WNT3: variants seen among roughly 807,000 people sequenced by gnomAD.
WNT3 encodes proto-oncogene Wnt-3.
In WNT3, 7 loss-of-function variants were observed where a neutral mutation model predicts 34.2. That is an observed-to-expected ratio of 0.20 (90% CI 0.12 to 0.38). The LOEUF is 0.38. Ranked by LOEUF, WNT3 falls within the 10% of genes least tolerant of loss-of-function variation. WNT3 has a pLI of 1.00. For synonymous variants in WNT3, 212 were observed against 211.5 expected, an observed-to-expected ratio of 1.00 and a Z score of -0.02; for missense variants, 267 against 499.8, an observed-to-expected ratio of 0.53 and a Z score of 4.44.
chr17:46,779,978 G>A (rs2059446738), intron 1 of WNT3, among the ~76,000 whole-genome samples: 1 of 152,102 alleles, frequency 6.6e-6, no homozygotes, highest in South Asian at 2.1e-4. Context: ...AGGCTGGTCT[G>A]GAACTCCTGA....
chr17:46,781,773 AACTTCGCATCTAGAGCCCCTGTGCAGGAC>A (rs2059463516), intron 1 of WNT3, among the ~76,000 whole-genome samples: 1 of 152,190 alleles, frequency 6.6e-6, no homozygotes, highest in Non-Finnish European at 1.5e-5. Flanking sequence ...CCCAGCCTTC[AACTTCGCATCTAGAGCCCCTGTGCAGGAC>A]GAAATTCCAG....
intron 1 of WNT3, among the ~76,000 whole-genome samples, chr17:46,802,883 T>C (rs933458850): frequency 2.0e-5 from 3 of 152,150 alleles, no homozygotes; most frequent in Non-Finnish European, 4.4e-5. Flanking sequence ...CGTGTGTTCC[T>C]GTGTTCTGCG....
intron 1 of WNT3, among the ~76,000 whole-genome samples, chr17:46,816,463 C>G (rs912631400): frequency 2.3e-5 from 3 of 132,402 alleles, no homozygotes; most frequent in African/African-American, 9.2e-5. Context: ...GGGTCATAGA[C>G]CCAGAACACA....
intron 1 of WNT3, among the ~76,000 whole-genome samples, chr17:46,796,361 C>T (rs1459078045): frequency 4.6e-5 from 7 of 152,150 alleles, no homozygotes; most frequent in African/African-American, 1.7e-4. Context: ...GTGTGCTTGC[C>T]GCATATTAAC....
At chr17:46,791,445 G>T (rs1432868409) in intron 1 of WNT3, among the ~76,000 whole-genome samples, 1 of 152,034 alleles carries the variant, frequency 6.6e-6, no homozygotes, top group African/African-American at 2.4e-5. Context: ...GACCTCAAGT[G>T]ATCCGCCCGC....
At position 46,769,863 on chromosome 17, in the gene WNT3, T is replaced by G; in HGVS notation, c.508A>C (p.Arg170=). ...EDADFGVLVS[R]EFADARENRP... Reference sequence around the variant, plus strand: ...TTCTCGCGCGCATCCGCGAACTCCCTGGACACTAACACGCCGAAGTCAGCG... The same window carrying G: ...TTCTCGCGCGCATCCGCGAACTCCCGGGACACTAACACGCCGAAGTCAGCG... Residue 170 remains arginine, a synonymous_variant, in exon 3 of 5, where the codon AGG becomes CGG. Transcript: ENST00000225512. 1 of 1,613,586 alleles carries G rather than the reference T, an allele frequency of 6.2e-7. No homozygotes were observed.
intron 1 of WNT3, among the ~76,000 whole-genome samples, chr17:46,814,072 A>G (rs1453155953): frequency 6.6e-6 from 1 of 152,158 alleles, no homozygotes; most frequent in African/African-American, 2.4e-5. Flanking sequence ...CTCATCGCCA[A>G]AGGTCTTCCC....
At chr17:46,780,797 G>A (rs1354898810) in intron 1 of WNT3, among the ~76,000 whole-genome samples, 1 of 151,934 alleles carries the variant, frequency 6.6e-6, no homozygotes, top group African/African-American at 2.4e-5. Flanking sequence ...GAAAGAAAAT[G>A]GGGACTCCAA....
intron 1 of WNT3, among the ~76,000 whole-genome samples, chr17:46,784,763 C>T (rs973220281): frequency 7.0e-6 from 1 of 143,834 alleles, no homozygotes; most frequent in Non-Finnish European, 1.5e-5. Context: ...CTGCGCTTTC[C>T]CCTTTTTGCT....
At chr17:46,801,810 G>T (rs1345821409) in intron 1 of WNT3, among the ~76,000 whole-genome samples, 2 of 152,152 alleles carry the variant, frequency 1.3e-5, no homozygotes, top group Non-Finnish European at 2.9e-5. Context: ...TGCCAAGGGA[G>T]GGATGGAGAT....
chr17:46,779,715 G>A (rs986466763), intron 1 of WNT3, among the ~76,000 whole-genome samples: 3 of 152,222 alleles, frequency 2.0e-5, no homozygotes, highest in Non-Finnish European at 2.9e-5. Context: ...GCTGTGGCCA[G>A]AGGGCTGCAG....
At chr17:46,808,273 G>A (rs566245269) in intron 1 of WNT3, among the ~76,000 whole-genome samples, 1 of 152,342 alleles carries the variant, frequency 6.6e-6, no homozygotes, top group South Asian at 2.1e-4. Flanking sequence ...AGGACAGCCT[G>A]ATGGCTTGTG....
Position 46,768,606 on chromosome 17 carries a change from G to A in WNT3, c.782C>T (p.Ala261Val). The A allele has an allele frequency of 6.2e-7, 1 of 1,614,168 alleles. No homozygotes were observed. The highest frequency in any genetic ancestry group is 2.2e-5 in the East Asian group (1 of 44,882). Reference protein sequence around the residue: ...ESRGWVETLRAKYSLFKPPTE... With the variant: ...ESRGWVETLRVKYSLFKPPTE... ...GGGTGGCTTGAAGAGCGAGTACTTG[G>A]CCCGGAGGGTCTCCACCCAGCCTCG... The change falls in exon 4 of 5, where the codon GCC becomes GTC. Residue 261 changes from alanine to valine, a missense_variant. Ala to Val is a moderately conservative substitution (Grantham distance 64, BLOSUM62 0). This residue lies in a region of WNT3 where 181 missense variants were observed against 391.3 expected (regional missense o/e 0.46). Coordinates refer to ENST00000225512, the MANE Select transcript of WNT3 (RefSeq NM_030753.5). This position sits in a 1 kb window ranked among gnomAD's most constrained non-coding sequence, Gnocchi z 5.0.
intron 1 of WNT3, among the ~76,000 whole-genome samples, chr17:46,808,967 TG>T (rs1363242612): frequency 6.6e-6 from 1 of 152,068 alleles, no homozygotes; most frequent in Non-Finnish European, 1.5e-5. Flanking sequence ...CTGAGCCAAG[TG>T]GGGTCCGAGC....
At chr17:46,810,132 G>A (rs562622829) in intron 1 of WNT3, among the ~76,000 whole-genome samples, 1 of 150,518 alleles carries the variant, frequency 6.6e-6, no homozygotes, top group East Asian at 2.0e-4. Context: ...TCAGCCTTCC[G>A]AGTAGCTGGG....
chr17:46,812,552 T>C (rs1252483716), intron 1 of WNT3, among the ~76,000 whole-genome samples: 1 of 151,608 alleles, frequency 6.6e-6, no homozygotes, highest in Non-Finnish European at 1.5e-5. Flanking sequence ...CCAGCAAGAG[T>C]CTGGCAGACT....
At chr17:46,792,975 G>C (rs1003865773) in intron 1 of WNT3, among the ~76,000 whole-genome samples, 1 of 151,994 alleles carries the variant, frequency 6.6e-6, no homozygotes, top group Non-Finnish European at 1.5e-5. Context: ...GGCAAAAAAA[G>C]CAGTGAGGGC....
chr17:46,779,103 A>ACACACACACCCCCC (rs749719578), intron 1 of WNT3, among the ~76,000 whole-genome samples: 26 of 133,652 alleles, frequency 1.9e-4, no homozygotes, highest in Admixed American at 1.0e-3. Context: ...ACACACACAC[A>ACACACACACCCCCC]CCCCAGCCCA....
chr17:46,791,675 C>T (rs1295563677), intron 1 of WNT3, among the ~76,000 whole-genome samples: 1 of 152,248 alleles, frequency 6.6e-6, no homozygotes, highest in Non-Finnish European at 1.5e-5. Context: ...TTTCTGTCTG[C>T]ATTCTACTTA....
Sources: gnomAD v4.1 joint callset for allele counts (sites outside exome capture counted in the v4.1 genomes callset) on GRCh38, gnomAD v4.1.1 for gene constraint, gnomAD v4.1.1 regional missense constraint, Gnocchi (gnomAD v3.1) non-coding constraint, MANE v1.5 for transcripts, NCBI Gene and HGNC (gene_info 2026-07-23, HGNC 2026-07-21) for gene names.